The following PPARGC1A variants were observed in gnomAD, a reference collection of about 807,000 sequenced individuals.
The protein encoded by PPARGC1A is PPARG coactivator 1 alpha.
In PPARGC1A, 25 loss-of-function variants were observed where a neutral mutation model predicts 88.7. The ratio of observed to expected loss-of-function variants is 0.28; its 90% CI spans 0.21 to 0.39. PPARGC1A has a LOEUF of 0.39. Among genes scored for constraint, PPARGC1A ranks in the 10% least tolerant of loss-of-function variants. PPARGC1A has a pLI of 1.00. For missense variants in PPARGC1A, 880 were observed against 968.7 expected (o/e 0.91, Z 1.22); for synonymous variants, 363 against 355.6 (o/e 1.02, Z -0.24).
chr4:23,848,311 A>G (rs1456140829), intron 2 of PPARGC1A, among the ~76,000 whole-genome samples: 1 of 152,232 alleles, frequency 6.6e-6, no homozygotes, highest in Non-Finnish European at 1.5e-5. Flanking sequence ...CAAGTAGACT[A>G]TAACAACCGG....
chr4:23,922,765 C>T, the PPARGC1A span, among the ~76,000 whole-genome samples: 2 of 152,138 alleles, frequency 1.3e-5, no homozygotes, highest in Admixed American at 6.5e-5. Context: ...AAATATTCCG[C>T]GCCACTGGAG....
chr4:24,159,500 C>A, the PPARGC1A span, among the ~76,000 whole-genome samples: 2 of 152,140 alleles, frequency 1.3e-5, no homozygotes, highest in South Asian at 4.2e-4. Context: ...TGAGCCACTG[C>A]GCCCGGCCGA....
At chr4:24,414,844 C>A in the PPARGC1A span, among the ~76,000 whole-genome samples, 1 of 152,154 alleles carries the variant, frequency 6.6e-6, no homozygotes. Flanking sequence ...GGAATGCTGA[C>A]ATGATGGCTA....
At chr4:23,817,804 A>G (rs1385986402) in intron 7 of PPARGC1A, among the ~76,000 whole-genome samples, 1 of 152,192 alleles carries the variant, frequency 6.6e-6, no homozygotes, top group African/African-American at 2.4e-5. Flanking sequence ...AAGATTTCCT[A>G]TCACCAAGTG....
At chr4:24,172,853 TG>T in the PPARGC1A span, among the ~76,000 whole-genome samples, 1 of 152,220 alleles carries the variant, frequency 6.6e-6, no homozygotes, top group African/African-American at 2.4e-5. Context: ...TCAGCCCTCT[TG>T]GCGACCTAAA....
the PPARGC1A span, among the ~76,000 whole-genome samples, chr4:24,225,429 C>T: frequency 2.0e-5 from 3 of 151,730 alleles, no homozygotes; most frequent in African/African-American, 7.3e-5. Flanking sequence ...ATTAGCCGGG[C>T]GTGGTGGCAG....
the PPARGC1A span, among the ~76,000 whole-genome samples, chr4:24,451,937 A>G: frequency 2.7e-4 from 41 of 152,294 alleles, no homozygotes; most frequent in African/African-American, 9.6e-4. Flanking sequence ...TTGGTCAAAC[A>G]TTATTCTAGA....
the PPARGC1A span, among the ~76,000 whole-genome samples, chr4:24,160,115 A>G: frequency 6.6e-6 from 1 of 152,168 alleles, no homozygotes; most frequent in Non-Finnish European, 1.5e-5. Context: ...CTCCTTCTCA[A>G]CCACCTGACC....
At chr4:24,067,788 G>A in the PPARGC1A span, among the ~76,000 whole-genome samples, 1 of 152,128 alleles carries the variant, frequency 6.6e-6, no homozygotes, top group Non-Finnish European at 1.5e-5. Flanking sequence ...TTCCCATCTC[G>A]AGCACTTCAC....
the PPARGC1A span, among the ~76,000 whole-genome samples, chr4:24,188,861 T>G: frequency 6.6e-6 from 1 of 152,122 alleles, no homozygotes; most frequent in East Asian, 1.9e-4. Flanking sequence ...CATGTCAGCA[T>G]TATTCACAAT....
At chr4:24,290,744 T>TA in the PPARGC1A span, among the ~76,000 whole-genome samples, 2,052 of 150,292 alleles carry the variant, frequency 0.014, 46 homozygotes, top group African/African-American at 0.043. Context: ...ACTAATAAAG[T>TA]AAAAAAAAAA....
the PPARGC1A span, among the ~76,000 whole-genome samples, chr4:24,376,134 A>G: frequency 6.6e-5 from 10 of 152,230 alleles, no homozygotes; most frequent in Admixed American, 2.6e-4. Flanking sequence ...AATTATCATT[A>G]AAGATTATCA....
the PPARGC1A span, among the ~76,000 whole-genome samples, chr4:24,350,083 G>T: frequency 6.6e-6 from 1 of 152,218 alleles, no homozygotes; most frequent in South Asian, 2.1e-4. Context: ...TTCTCCAGTG[G>T]GGGGTGTGTT....
the PPARGC1A span, among the ~76,000 whole-genome samples, chr4:24,088,813 T>C: frequency 1.3e-5 from 2 of 152,158 alleles, no homozygotes; most frequent in Non-Finnish European, 2.9e-5. Flanking sequence ...GGATAAATAA[T>C]GAGATAAAAT....
upstream of PPARGC1A, among the ~76,000 whole-genome samples, chr4:23,902,925 A>G (rs186719557): frequency 6.5e-4 from 99 of 152,306 alleles, no homozygotes; most frequent in African/African-American, 2.1e-3. Flanking sequence ...CATTAATTCA[A>G]TTTGACGCCT....
the PPARGC1A span, among the ~76,000 whole-genome samples, chr4:24,375,628 G>T: frequency 2.0e-5 from 3 of 152,114 alleles, no homozygotes; most frequent in Admixed American, 1.3e-4. Flanking sequence ...CAAGGCAGAC[G>T]ATAGAGCTTA....
At chr4:24,182,075 G>A in the PPARGC1A span, among the ~76,000 whole-genome samples, 4 of 152,056 alleles carry the variant, frequency 2.6e-5, no homozygotes, top group Non-Finnish European at 4.4e-5. Flanking sequence ...GTGGTTTGCT[G>A]CACCTATCAT....
the PPARGC1A span, among the ~76,000 whole-genome samples, chr4:24,271,893 T>C: frequency 2.6e-5 from 4 of 152,170 alleles, no homozygotes; most frequent in Non-Finnish European, 5.9e-5. Flanking sequence ...CATGTATGTA[T>C]ATACATGTAT....
the PPARGC1A span, among the ~76,000 whole-genome samples, chr4:24,379,556 AT>A: frequency 6.6e-6 from 1 of 151,978 alleles, no homozygotes; most frequent in Non-Finnish European, 1.5e-5. Flanking sequence ...AAAATATTAT[AT>A]ATCAATATAA....
Sources: allele counts gnomAD v4.1 joint callset (sites outside exome capture counted in the v4.1 genomes callset), GRCh38; gene constraint gnomAD v4.1.1; transcripts MANE v1.5; gene names NCBI Gene and HGNC (gene_info 2026-07-23, HGNC 2026-07-21).